The following PTPRN2 variants were observed in gnomAD, a reference collection of about 807,000 sequenced individuals.
PTPRN2 encodes protein tyrosine phosphatase receptor type N2, also known as receptor-type tyrosine-protein phosphatase N2.
In PTPRN2, 74 loss-of-function variants were observed where a neutral mutation model predicts 118.8. The ratio of observed to expected loss-of-function variants is 0.62; its 90% confidence interval spans 0.52 to 0.76. The LOEUF (loss-of-function observed/expected upper bound fraction) is 0.76. Ranked by LOEUF, PTPRN2 falls within the 30% of genes least tolerant of loss-of-function variation. PTPRN2 has a pLI of 0.00. For missense variants in PTPRN2, 1,481 were observed against 1,394.4 expected, an observed-to-expected ratio of 1.06 and a Z score of -0.99; for synonymous variants, 641 against 608.0, an observed-to-expected ratio of 1.05 and a Z score of -0.80.
In PTPRN2 at chr7:157,618,075, C is replaced by T. The variant is rs999741479; in HGVS notation, c.2344+3287G>A. ...CAACTAGACCTAGCATGGTGCCAGC[C>T]AAGCATTGCATAATGTGTGTTTCCT... On this transcript the variant is annotated intron_variant, in intron 15 of 22. Coordinates refer to ENST00000389418, the MANE Select transcript of PTPRN2 (RefSeq NM_002847.5). This position sits in a 1 kb window ranked among gnomAD's most constrained non-coding sequence, Gnocchi z 4.2. 1 of 152,180 alleles carries T rather than the reference C, an allele frequency of 6.6e-6. No homozygotes were observed. Among genetic ancestry groups the T allele is most frequent in the Non-Finnish European group, 1.5e-5 (1 of 68,030 alleles). The allele number at this position is 152,180 out of a possible 1,614,324, so 9.4% of individuals were successfully genotyped here. A position where few individuals can be genotyped will look rare whatever the true frequency, so the allele number is the denominator to read the frequency against.
chr7:157,771,907 CACAG>C (rs573140947), intron 12 of PTPRN2, among the ~76,000 whole-genome samples: 47 of 150,942 alleles, frequency 3.1e-4, no homozygotes, highest in East Asian at 7.8e-4. Context: ...CACAAACACA[CACAG>C]ACAAACACAC....
Position 157,540,559 on chromosome 7 carries a change from A to C in PTPRN2, c.*155T>G. ...CTTTATTATTGTTTGATTAAACAAA[A>C]ATACACTTTTAACTGCTAAACTGCG... On this transcript the variant is annotated 3_prime_UTR_variant, in exon 23 of 23. Transcript: ENST00000389418. The C allele has an allele frequency of 6.0e-6, 3 of 499,846 alleles. No homozygotes were observed. Among genetic ancestry groups the C allele is most frequent in the Non-Finnish European group, 1.0e-5 (3 of 294,092 alleles). The allele number at this position is 499,846 out of a possible 1,614,324, so 31.0% of individuals were successfully genotyped here.
At chr7:157,902,550 C>T (rs1019755882) in intron 11 of PTPRN2, among the ~76,000 whole-genome samples, 2 of 142,406 alleles carry the variant, frequency 1.4e-5, no homozygotes, top group African/African-American at 5.3e-5. Flanking sequence ...TGGGGACCAG[C>T]CCCGCGGTGG....
At chr7:157,657,097 A>C (rs1210250101) in intron 13 of PTPRN2, among the ~76,000 whole-genome samples, 145 of 43,834 alleles carry the variant, frequency 3.3e-3, no homozygotes, top group Non-Finnish European at 5.4e-3. Context: ...CACATACGCC[A>C]CACACACACA....
intron 11 of PTPRN2, among the ~76,000 whole-genome samples, chr7:157,973,451 G>C (rs1356122256): frequency 6.6e-6 from 1 of 152,226 alleles, no homozygotes; most frequent in African/African-American, 2.4e-5. Flanking sequence ...TCATTTTCCT[G>C]ATGGGAGGGA....
At chr7:158,192,037 T>C (rs924053196) in intron 5 of PTPRN2, among the ~76,000 whole-genome samples, 1 of 152,184 alleles carries the variant, frequency 6.6e-6, no homozygotes, top group Admixed American at 6.5e-5. Context: ...ACCTCCCTGG[T>C]GTGCATCTGT....
At chr7:157,917,165 G>A (rs1277412249) in intron 11 of PTPRN2, among the ~76,000 whole-genome samples, 3 of 152,222 alleles carry the variant, frequency 2.0e-5, no homozygotes, top group East Asian at 1.9e-4. Context: ...CACGCACCCC[G>A]GCCACTCCAG....
chr7:157,708,733 T>G lies in PTPRN2; in HGVS notation c.1789-25796A>C, dbSNP rs77981842. On this transcript the variant is annotated intron_variant, in intron 12 of 22. Transcript: ENST00000389418. ...CATGAAAACGCAGCCGTGACGGCACTGTGTGATTGATAATGCTCTCCGTGA... is the reference window on the plus strand; with the variant it reads ...CATGAAAACGCAGCCGTGACGGCACGGTGTGATTGATAATGCTCTCCGTGA... Among the ~76,000 whole-genome samples the G allele has an allele frequency of 6.9e-3, 1,054 of 152,310 alleles. 57 individuals are homozygous for G. The South Asian group carries it at 0.13, about 19-fold the overall frequency.
chr7:157,721,909 G>A (rs1373479358), intron 12 of PTPRN2, among the ~76,000 whole-genome samples: 1 of 152,186 alleles, frequency 6.6e-6, no homozygotes, highest in Non-Finnish European at 1.5e-5. Flanking sequence ...AGAGGCTCAG[G>A]GGTTAAGGGA....
chr7:157,794,934 C>A lies in PTPRN2; in HGVS notation c.1788+103739G>T, dbSNP rs1198478244. Among the ~76,000 whole-genome samples the A allele has an allele frequency of 2.0e-5, 3 of 152,236 alleles. No individual in the cohort carries two copies. The highest frequency in any genetic ancestry group is 4.4e-5 in the Non-Finnish European group (3 of 68,044). ...AGGAGGGATTTCCATGTGAAAGAGG[C>A]CAGAGTGCTTCCCTCACTTAGCGGG... On this transcript the variant is annotated intron_variant, in intron 12 of 22. Transcript: ENST00000389418. The surrounding 1 kb of genome is among the most constrained non-coding windows in gnomAD (Gnocchi z 5.2).
chr7:158,113,148 A>G (rs1816433286), intron 9 of PTPRN2, among the ~76,000 whole-genome samples: 1 of 152,104 alleles, frequency 6.6e-6, no homozygotes, highest in Non-Finnish European at 1.5e-5. Context: ...TCCAAGAAGG[A>G]GAAGGGCCGG....
At chr7:158,309,070 A>G (rs879057980) in intron 3 of PTPRN2, among the ~76,000 whole-genome samples, 1 of 152,228 alleles carries the variant, frequency 6.6e-6, no homozygotes, top group Non-Finnish European at 1.5e-5. Context: ...AATTAACATC[A>G]TTCTTTCACA....
intron 1 of PTPRN2, among the ~76,000 whole-genome samples, chr7:158,538,632 C>T (rs1213021939): frequency 6.6e-6 from 1 of 152,200 alleles, no homozygotes; most frequent in African/African-American, 2.4e-5. Flanking sequence ...AATAGGTGGG[C>T]GCTCACCTGA....
intron 3 of PTPRN2, among the ~76,000 whole-genome samples, chr7:158,239,443 A>ACCCTCCTG (rs1212857397): frequency 1.3e-5 from 2 of 151,902 alleles, no homozygotes; most frequent in Admixed American, 1.3e-4. Context: ...CGCGGCCCCC[A>ACCCTCCTG]CCCTCCTGCC....
chr7:158,412,651 A>T (rs1586611423), intron 2 of PTPRN2, among the ~76,000 whole-genome samples: 2 of 72,282 alleles, frequency 2.8e-5, no homozygotes, highest in African/African-American at 5.9e-5. Flanking sequence ...CCTCCTCAAC[A>T]CCAGGGCCCA....
chr7:158,317,876 C>CACGACG (rs925934308), intron 2 of PTPRN2, among the ~76,000 whole-genome samples: 24 of 152,338 alleles, frequency 1.6e-4, no homozygotes, highest in Admixed American at 6.5e-4. Context: ...CATATATGCT[C>CACGACG]ACGACGACGG....
At chr7:158,496,323 G>A (rs1319229499) in intron 1 of PTPRN2, among the ~76,000 whole-genome samples, 3 of 82,924 alleles carry the variant, frequency 3.6e-5, no homozygotes, top group Non-Finnish European at 6.8e-5. Context: ...CCCCTTTCCT[G>A]TGGCCCCTCC....
At chr7:157,830,845 G>A (rs556787173) in intron 12 of PTPRN2, among the ~76,000 whole-genome samples, 3 of 152,358 alleles carry the variant, frequency 2.0e-5, no homozygotes, top group East Asian at 3.9e-4. Context: ...AAGCTATTGG[G>A]ACAACGGGAA....
intron 3 of PTPRN2, among the ~76,000 whole-genome samples, chr7:158,220,582 C>T (rs1020738466): frequency 3.9e-5 from 6 of 151,936 alleles, no homozygotes; most frequent in African/African-American, 1.4e-4. Context: ...CAATAATTTC[C>T]AAGCTGAAAT....
Sources: allele counts gnomAD v4.1 joint callset (sites outside exome capture counted in the v4.1 genomes callset), GRCh38; gene constraint gnomAD v4.1.1; non-coding constraint Gnocchi (gnomAD v3.1); transcripts MANE v1.5; gene names NCBI Gene and HGNC (gene_info 2026-07-23, HGNC 2026-07-21).